The following TMEM123 variants were observed in gnomAD, a reference collection of about 807,000 sequenced individuals.
The protein encoded by TMEM123 is transmembrane protein 123.
A neutral mutation model predicts 19.7 loss-of-function variants in TMEM123; 16 were observed. The observed-to-expected ratio is 0.81, with a 90% confidence interval of 0.55 to 1.23. The LOEUF (loss-of-function observed/expected upper bound fraction) is 1.23. Among genes scored for constraint, TMEM123 ranks in the 50% most tolerant of loss-of-function variants. TMEM123 has a pLI of 0.00. For synonymous variants in TMEM123, 118 were observed against 99.4 expected (o/e 1.19, Z -1.12); for missense variants, 313 against 257.8 (o/e 1.21, Z -1.47).
chr11:102,409,846 C>T (rs753552044), intron 2 of TMEM123, among the ~76,000 whole-genome samples: 2 of 149,454 alleles, frequency 1.3e-5, no homozygotes, highest in Non-Finnish European at 3.0e-5. Context: ...GCCTGGGTGA[C>T]AGAGCAAGAC....
chr11:102,418,105 A>G (rs1358763045), intron 2 of TMEM123, among the ~76,000 whole-genome samples: 1 of 151,982 alleles, frequency 6.6e-6, no homozygotes, highest in Non-Finnish European at 1.5e-5. Flanking sequence ...AAAACCTAGG[A>G]AACACCATTC....
At chr11:102,411,498 C>A (rs1409453886) in intron 2 of TMEM123, among the ~76,000 whole-genome samples, 1 of 152,034 alleles carries the variant, frequency 6.6e-6, no homozygotes, top group African/African-American at 2.4e-5. Flanking sequence ...ATGGGAAAGC[C>A]TGATTTATAG....
chr11:102,411,760 T>C (rs975403842), intron 2 of TMEM123, among the ~76,000 whole-genome samples: 1 of 152,218 alleles, frequency 6.6e-6, no homozygotes, highest in Admixed American at 6.5e-5. Flanking sequence ...AGGTCTTGTT[T>C]ATCTTTTCAA....
chr11:102,445,843 A>C (rs541109461), intron 2 of TMEM123, among the ~76,000 whole-genome samples: 2 of 152,338 alleles, frequency 1.3e-5, no homozygotes, highest in African/African-American at 4.8e-5. Context: ...CATCCCTGCC[A>C]TGAATATGGA....
intron 2 of TMEM123, among the ~76,000 whole-genome samples, chr11:102,426,819 C>T (rs1026405246): frequency 1.8e-5 from 2 of 110,020 alleles, no homozygotes; most frequent in African/African-American, 6.8e-5. Context: ...GACAAAGATA[C>T]AGATTGAATA....
At chr11:102,440,679 G>C (rs1311735987) in intron 2 of TMEM123, among the ~76,000 whole-genome samples, 13 of 152,166 alleles carry the variant, frequency 8.5e-5, no homozygotes, top group Non-Finnish European at 2.9e-5. Flanking sequence ...ATAATGACAG[G>C]ATCAAATCAC....
chr11:102,401,528 T>A lies in TMEM123; in HGVS notation c.602+11A>T, dbSNP rs755859025. On this transcript the variant is annotated intron_variant, in intron 4 of 4. Transcript: ENST00000398136. The stretch of plus-strand genomic sequence containing the variant: ...ATTTTTTTTAAAAAGTCCTGGCCAT[T>A]CAAAACTTACATGGTTCGATACCGA... 8 of 1,554,304 alleles carry A rather than the reference T, an allele frequency of 5.1e-6. No homozygotes were observed. Among genetic ancestry groups the A allele is most frequent in the Non-Finnish European group, 8.6e-7 (1 of 1,160,216 alleles).
intron 2 of TMEM123, among the ~76,000 whole-genome samples, chr11:102,409,593 G>A (rs917401142): frequency 1.3e-5 from 2 of 152,106 alleles, no homozygotes; most frequent in African/African-American, 4.8e-5. Context: ...CAGGCCGGGT[G>A]TGGTGGCTCA....
Position 102,431,949 on chromosome 11 carries a change from G to C in TMEM123, c.157+16863C>G, listed in dbSNP as rs112857414. 1.3e-3 allele frequency among the ~76,000 whole-genome samples: 200 copies of C among 152,262 alleles called. 1 individual carries two copies. Among genetic ancestry groups the C allele is most frequent in the African/African-American group, 4.5e-3 (186 of 41,552 alleles). On this transcript the variant is annotated intron_variant, in intron 2 of 4. Transcript: ENST00000398136. The stretch of plus-strand genomic sequence containing the variant: ...CTCTCCTGCCACCCTGTGAAGAGGC[G>C]CCTTCTGCCATGATTGTGAGTTTCC...
At chr11:102,413,612 G>A (rs565795539) in intron 2 of TMEM123, among the ~76,000 whole-genome samples, 10 of 152,284 alleles carry the variant, frequency 6.6e-5, no homozygotes, top group Non-Finnish European at 1.3e-4. Flanking sequence ...ACACAGCCCC[G>A]GAGTGCTGAG....
chr11:102,424,092 G>A (rs988858682), intron 2 of TMEM123, among the ~76,000 whole-genome samples: 1 of 152,144 alleles, frequency 6.6e-6, no homozygotes, highest in African/African-American at 2.4e-5. Flanking sequence ...AATTGAGGGA[G>A]GAGTGGGCTA....
intron 2 of TMEM123, among the ~76,000 whole-genome samples, chr11:102,422,344 C>T (rs1327531534): frequency 2.6e-5 from 4 of 152,104 alleles, no homozygotes; most frequent in African/African-American, 9.7e-5. Context: ...TGTGGTGGCA[C>T]ACGCCTGTAA....
At chr11:102,429,699 C>G (rs1291038254) in intron 2 of TMEM123, among the ~76,000 whole-genome samples, 2 of 152,208 alleles carry the variant, frequency 1.3e-5, no homozygotes, top group Non-Finnish European at 2.9e-5. Flanking sequence ...TGTTTGACAT[C>G]TTATACATAG....
At chr11:102,436,988 CTA>C (rs1462565329) in intron 2 of TMEM123, among the ~76,000 whole-genome samples, 3 of 151,994 alleles carry the variant, frequency 2.0e-5, no homozygotes, top group Non-Finnish European at 2.9e-5. Context: ...TTTTTTTGGC[CTA>C]TGTTTTATGT....
At chr11:102,434,448 T>C (rs1285452478) in intron 2 of TMEM123, among the ~76,000 whole-genome samples, 1 of 151,998 alleles carries the variant, frequency 6.6e-6, no homozygotes, top group Non-Finnish European at 1.5e-5. Flanking sequence ...GGATTATTTA[T>C]TTTCTTTCTA....
chr11:102,436,429 C>T (rs1371142402), intron 2 of TMEM123, among the ~76,000 whole-genome samples: 1 of 151,986 alleles, frequency 6.6e-6, no homozygotes, highest in Non-Finnish European at 1.5e-5. Flanking sequence ...TCCCAAAGTG[C>T]TGGGATTACA....
chr11:102,437,931 G>A (rs1199779091), intron 2 of TMEM123, among the ~76,000 whole-genome samples: 1 of 152,160 alleles, frequency 6.6e-6, no homozygotes. Context: ...GCAGGTCTCA[G>A]CTCAGATGAC....
chr11:102,403,432 G>C (rs1951929758), intron 2 of TMEM123, among the ~76,000 whole-genome samples: 1 of 152,094 alleles, frequency 6.6e-6, no homozygotes, highest in Non-Finnish European at 1.5e-5. Context: ...ATTTCATACT[G>C]CATCTTCTTT....
At chr11:102,402,252 G>A in intron 2 of TMEM123, 46 bp from the exon 3 acceptor site, 2 of 1,574,514 alleles carry the variant, frequency 1.3e-6, no homozygotes, top group African/African-American at 1.4e-5. Flanking sequence ...ATGATTTAGG[G>A]AATAAGATCC....
Sources: gnomAD v4.1 joint callset for allele counts (sites outside exome capture counted in the v4.1 genomes callset) on GRCh38, gnomAD v4.1.1 for gene constraint, MANE v1.5 for transcripts, NCBI Gene and HGNC (gene_info 2026-07-23, HGNC 2026-07-21) for gene names.